The following ARHGAP24 variants were observed in gnomAD, a reference collection of about 807,000 sequenced individuals.
ARHGAP24 encodes the protein rho GTPase-activating protein 24.
Under a neutral mutation model 76.4 loss-of-function variants are expected in ARHGAP24, and 50 were observed. The observed-to-expected ratio is 0.65, with a 90% CI of 0.52 to 0.83. The LOEUF (loss-of-function observed/expected upper bound fraction) is 0.83. Ranked by LOEUF, ARHGAP24 falls within the 40% of genes least tolerant of loss-of-function variation. ARHGAP24 has a pLI of 0.00. For synonymous variants in ARHGAP24, 345 were observed against 323.3 expected (o/e 1.07, Z -0.72); for missense variants, 930 against 914.2 (o/e 1.02, Z -0.22).
intron 3 of ARHGAP24, among the ~76,000 whole-genome samples, chr4:85,729,936 A>T: frequency 6.6e-6 from 1 of 152,216 alleles, no homozygotes; most frequent in East Asian, 1.9e-4. Flanking sequence ...AAGGAAGATG[A>T]AATACTGATA....
chr4:85,804,399 T>C (rs1728706099), intron 3 of ARHGAP24, among the ~76,000 whole-genome samples: 1 of 152,172 alleles, frequency 6.6e-6, no homozygotes, highest in African/African-American at 2.4e-5. Flanking sequence ...AAATATAATA[T>C]ACTATGTAAA....
intron 2 of ARHGAP24, among the ~76,000 whole-genome samples, chr4:85,701,989 C>T (rs1724106772): frequency 6.6e-6 from 1 of 152,106 alleles, no homozygotes; most frequent in Non-Finnish European, 1.5e-5. Context: ...GTTCCTGAGT[C>T]TAAGGAAGAC....
intron 2 of ARHGAP24, among the ~76,000 whole-genome samples, chr4:85,704,837 T>C (rs1317394414): frequency 6.6e-6 from 1 of 152,116 alleles, no homozygotes; most frequent in African/African-American, 2.4e-5. Context: ...GATTTTTGAA[T>C]GTATAAGCAA....
intron 3 of ARHGAP24, among the ~76,000 whole-genome samples, chr4:85,914,966 A>G (rs28627668): frequency 7.5e-4 from 114 of 152,294 alleles, no homozygotes; most frequent in African/African-American, 2.6e-3. Flanking sequence ...GAATCTCCCA[A>G]CCTAAACCAA....
Position 85,875,622 on chromosome 4 carries a change from G to A in ARHGAP24, c.269-48026G>A, listed in dbSNP as rs1280774659. Among the ~76,000 whole-genome samples, 3 of 108,784 alleles carry A rather than the reference G, an allele frequency of 2.8e-5. No individual in the cohort carries two copies. The East Asian group carries it at 7.2e-4, about 26-fold the overall frequency. The allele number at this position is 108,784 out of a possible 152,430, so 71.4% of individuals were successfully genotyped here. On this transcript the variant is annotated intron_variant, in intron 3 of 9. Transcript: ENST00000395184. ...TATTTTTATATTATATATATGTAATGTATATATAATATAAATATATATTTA... is the reference window on the plus strand; with the variant it reads ...TATTTTTATATTATATATATGTAATATATATATAATATAAATATATATTTA...
At chr4:85,576,242 C>G (rs1435049798) in intron 2 of ARHGAP24, among the ~76,000 whole-genome samples, 2 of 151,824 alleles carry the variant, frequency 1.3e-5, no homozygotes, top group African/African-American at 4.8e-5. Flanking sequence ...CTGGCTAACA[C>G]GGTGAAACCC....
intron 5 of ARHGAP24, among the ~76,000 whole-genome samples, chr4:85,965,700 A>G (rs12651163): frequency 1.3e-5 from 2 of 152,292 alleles, no homozygotes; most frequent in Admixed American, 6.5e-5. Flanking sequence ...ACCCAGATCA[A>G]TTATACCAGA....
intron 3 of ARHGAP24, among the ~76,000 whole-genome samples, chr4:85,874,415 C>T (rs1048033996): frequency 6.6e-6 from 1 of 152,094 alleles, no homozygotes; most frequent in Non-Finnish European, 1.5e-5. Flanking sequence ...TGCAGCTTAA[C>T]CTGTTGAAAA....
At chr4:85,486,272 A>G (rs1248283955) in intron 1 of ARHGAP24, among the ~76,000 whole-genome samples, 2 of 151,976 alleles carry the variant, frequency 1.3e-5, no homozygotes, top group Admixed American at 1.3e-4. Context: ...TTGAAAATGT[A>G]TGAGGGTGTT....
intron 2 of ARHGAP24, among the ~76,000 whole-genome samples, chr4:85,676,004 TAAC>T (rs1722967735): frequency 6.6e-6 from 1 of 152,186 alleles, no homozygotes; most frequent in Non-Finnish European, 1.5e-5. Context: ...TCCTGGAAGA[TAAC>T]AAAATCAAAA....
chr4:85,521,455 C>A (rs200000086), intron 1 of ARHGAP24, among the ~76,000 whole-genome samples: 1 of 88,146 alleles, frequency 1.1e-5, no homozygotes. Context: ...CCCTTTTTAT[C>A]ACCTCCATCC....
intron 1 of ARHGAP24, among the ~76,000 whole-genome samples, chr4:85,543,608 A>G (rs1373054377): frequency 6.6e-6 from 1 of 152,198 alleles, no homozygotes; most frequent in East Asian, 1.9e-4. Context: ...TGAATCTTAA[A>G]TCAAGCCTGA....
chr4:85,623,045 G>A (rs1484858433), intron 2 of ARHGAP24, among the ~76,000 whole-genome samples: 1 of 152,126 alleles, frequency 6.6e-6, no homozygotes, highest in African/African-American at 2.4e-5. Context: ...CATTCTGTAG[G>A]TTGCCTGTTC....
chr4:85,552,803 TG>T (rs1191456613), intron 1 of ARHGAP24, among the ~76,000 whole-genome samples: 13 of 152,350 alleles, frequency 8.5e-5, no homozygotes, highest in South Asian at 4.1e-4. Flanking sequence ...AAATCTTTTT[TG>T]GTTTAAAGTC....
intron 2 of ARHGAP24, among the ~76,000 whole-genome samples, chr4:85,661,590 A>G (rs1292172581): frequency 6.6e-6 from 1 of 152,042 alleles, no homozygotes; most frequent in Non-Finnish European, 1.5e-5. Context: ...ATATGTATAC[A>G]TGTGCCATGC....
intron 3 of ARHGAP24, among the ~76,000 whole-genome samples, chr4:85,830,390 T>C (rs1324546481): frequency 1.3e-5 from 2 of 152,224 alleles, no homozygotes; most frequent in African/African-American, 4.8e-5. Context: ...GTGTCCATCG[T>C]GCCTAGCATT....
chr4:85,984,830 T>C (rs1739884926), intron 8 of ARHGAP24, among the ~76,000 whole-genome samples: 1 of 152,180 alleles, frequency 6.6e-6, no homozygotes, highest in South Asian at 2.1e-4. Flanking sequence ...ATTTTACTAC[T>C]AATTTTTTTC....
intron 1 of ARHGAP24, among the ~76,000 whole-genome samples, chr4:85,502,027 G>A (rs568865407): frequency 1.3e-5 from 2 of 152,202 alleles, no homozygotes; most frequent in East Asian, 1.9e-4. Context: ...AAGATCAGAT[G>A]GTTGTAGATA....
At chr4:85,630,381 T>C (rs1228005986) in intron 2 of ARHGAP24, among the ~76,000 whole-genome samples, 1 of 152,232 alleles carries the variant, frequency 6.6e-6, no homozygotes, top group East Asian at 1.9e-4. Flanking sequence ...TTCTTCATTT[T>C]GTTCTTTTGA....
Sources: gnomAD v4.1 joint callset for allele counts (sites outside exome capture counted in the v4.1 genomes callset) on GRCh38, gnomAD v4.1.1 for gene constraint, MANE v1.5 for transcripts, NCBI Gene and HGNC (gene_info 2026-07-23, HGNC 2026-07-21) for gene names.